Variants in GALNT18 observed in about 807,000 individuals in gnomAD.
GALNT18 encodes the protein GalNAc-transferase 18.
Under a neutral mutation model 69.5 loss-of-function variants are expected in GALNT18, and 44 were observed. The observed-to-expected ratio is 0.63, with a 90% confidence interval of 0.50 to 0.81. GALNT18 has a LOEUF of 0.81. Among genes scored for constraint, GALNT18 ranks in the 40% least tolerant of loss-of-function variants. The pLI, the probability that GALNT18 is intolerant of heterozygous loss-of-function variation, is 0.00. For missense variants in GALNT18, 715 were observed against 810.0 expected (o/e 0.88, Z 1.42); for synonymous variants, 364 against 318.2 (o/e 1.14, Z -1.53).
At chr11:11,288,805 A>C (rs1287654687) in intron 10 of GALNT18, among the ~76,000 whole-genome samples, 4 of 152,184 alleles carry the variant, frequency 2.6e-5, no homozygotes, top group Non-Finnish European at 5.9e-5. Context: ...TGTTAAGCAG[A>C]AAATCAGGGT....
rs1857951618 is a variant in GALNT18, at chr11:11,542,509, T to C, written c.235+78850A>G. On this transcript the variant is annotated intron_variant, in intron 1 of 10. Transcript: ENST00000227756. This position sits in a 1 kb window ranked among gnomAD's most constrained non-coding sequence, Gnocchi z 4.3. ...GAAATCATCACGTGCTTCTCACTTT[T>C]CACATGCAAAGAATAATTCCTACCA... 6.6e-6 allele frequency among the ~76,000 whole-genome samples: 1 copy of C among 152,232 alleles called. No homozygotes were observed.
At chr11:11,539,114 G>A (rs1246357962) in intron 1 of GALNT18, among the ~76,000 whole-genome samples, 2 of 152,230 alleles carry the variant, frequency 1.3e-5, no homozygotes, top group Admixed American at 1.3e-4. Flanking sequence ...TGGTGCACCT[G>A]CTTTGTGCAG....
intron 1 of GALNT18, among the ~76,000 whole-genome samples, chr11:11,597,117 C>A (rs1216086875): frequency 6.6e-6 from 1 of 152,066 alleles, no homozygotes; most frequent in East Asian, 1.9e-4. Flanking sequence ...GATGTTAAAC[C>A]AACCAGGAAT....
chr11:11,581,540 G>A (rs1859085537), intron 1 of GALNT18, among the ~76,000 whole-genome samples: 1 of 149,208 alleles, frequency 6.7e-6, no homozygotes, highest in Non-Finnish European at 1.5e-5. Context: ...CTCCTCCCCT[G>A]CCCCCTCCCC....
In GALNT18 at chr11:11,621,813, C is replaced by T. The variant is rs1860201289; in HGVS notation, c.-220G>A. The stretch of plus-strand genomic sequence containing the variant: ...CCCGGAGAGACCTTGACAAAGGAAA[C>T]CAGGTGGATTTTTTTCCAAATTAAA... On this transcript the variant is annotated 5_prime_UTR_variant, in exon 1 of 11. Transcript: ENST00000227756. This position sits in a 1 kb window ranked among gnomAD's most constrained non-coding sequence, Gnocchi z 9.3. 1.7e-6 allele frequency: 1 copy of T among 575,272 alleles called. No homozygotes were observed. Among genetic ancestry groups the T allele is most frequent in the African/African-American group, 1.9e-5 (1 of 53,170 alleles). The allele number at this position is 575,272 out of a possible 1,614,324, so 35.6% of individuals were successfully genotyped here.
chr11:11,502,271 G>A (rs1856989095), intron 1 of GALNT18, among the ~76,000 whole-genome samples: 1 of 152,188 alleles, frequency 6.6e-6, no homozygotes, highest in African/African-American at 2.4e-5. Flanking sequence ...AACAGTACCT[G>A]CCTCTCCTTC....
At chr11:11,476,927 A>T (rs1307696174) in intron 1 of GALNT18, among the ~76,000 whole-genome samples, 1 of 152,232 alleles carries the variant, frequency 6.6e-6, no homozygotes, top group Non-Finnish European at 1.5e-5. Context: ...AGATTGAGGG[A>T]CAAAGGACTG....
intron 6 of GALNT18, among the ~76,000 whole-genome samples, chr11:11,355,919 T>C (rs1032471782): frequency 4.6e-5 from 7 of 152,250 alleles, no homozygotes; most frequent in Non-Finnish European, 8.8e-5. Flanking sequence ...CTGGGCCATT[T>C]ACACCAGGGG....
At chr11:11,468,730 G>A (rs980986144) in intron 1 of GALNT18, among the ~76,000 whole-genome samples, 18 of 152,236 alleles carry the variant, frequency 1.2e-4, no homozygotes, top group South Asian at 6.2e-4. Context: ...CAAACAGGAT[G>A]CTCGCTAATG....
chr11:11,512,505 AG>A (rs1564986991), intron 1 of GALNT18, among the ~76,000 whole-genome samples: 1 of 152,236 alleles, frequency 6.6e-6, no homozygotes, highest in Non-Finnish European at 1.5e-5. Context: ...AAGATGTGAA[AG>A]GGGGTCTGAC....
rs973899241 is a variant in GALNT18 at position 11,480,279 on chromosome 11, G to A, written c.236-31343C>T. On this transcript the variant is annotated intron_variant, in intron 1 of 10. Transcript: ENST00000227756. This position sits in a 1 kb window ranked among gnomAD's most constrained non-coding sequence, Gnocchi z 4.6. ...CTCTCTCTCTCTTTCTCTCTCTCTC[G>A]CCCCCCTCGCCCCAACCTCAGTCAT... is the stretch of plus-strand genomic sequence containing the variant. Among the ~76,000 whole-genome samples the A allele has an allele frequency of 4.1e-5, 6 of 145,928 alleles. No homozygotes were observed. The highest frequency in any genetic ancestry group is 7.5e-5 in the Non-Finnish European group (5 of 66,336).
At chr11:11,343,637 T>C (rs1009233231) in intron 6 of GALNT18, among the ~76,000 whole-genome samples, 1 of 152,214 alleles carries the variant, frequency 6.6e-6, no homozygotes, top group African/African-American at 2.4e-5. Context: ...GCTCAGGTTC[T>C]CTATGAAAGC....
intron 3 of GALNT18, among the ~76,000 whole-genome samples, chr11:11,429,910 C>T (rs1291922620): frequency 6.6e-6 from 1 of 152,166 alleles, no homozygotes; most frequent in Non-Finnish European, 1.5e-5. Context: ...GAGGGCGAGG[C>T]AGGAGGATTG....
chr11:11,278,652 A>C (rs1409884774), intron 10 of GALNT18, among the ~76,000 whole-genome samples: 3 of 151,564 alleles, frequency 2.0e-5, no homozygotes, highest in Non-Finnish European at 2.9e-5. Context: ...GTTAAAATTA[A>C]AAAAAAAATT....
intron 3 of GALNT18, among the ~76,000 whole-genome samples, chr11:11,391,445 C>T (rs1348183475): frequency 3.3e-5 from 5 of 152,246 alleles, no homozygotes; most frequent in African/African-American, 1.2e-4. Context: ...ATTCCATGCT[C>T]TTAATACATT....
intron 2 of GALNT18, among the ~76,000 whole-genome samples, chr11:11,438,993 T>C (rs1439877481): frequency 6.6e-6 from 1 of 152,142 alleles, no homozygotes. Flanking sequence ...GTGACTGATT[T>C]CCTGAGCCCC....
At chr11:11,283,739 C>T (rs1439452270) in intron 10 of GALNT18, among the ~76,000 whole-genome samples, 1 of 152,124 alleles carries the variant, frequency 6.6e-6, no homozygotes, top group Non-Finnish European at 1.5e-5. Context: ...ACTACATAAT[C>T]TGGAAACACA....
In GALNT18 at chr11:11,470,120, G is replaced by A. The variant is rs1012182774; in HGVS notation, c.236-21184C>T. On this transcript the variant is annotated intron_variant, in intron 1 of 10. Transcript: ENST00000227756. This position sits in a 1 kb window ranked among gnomAD's most constrained non-coding sequence, Gnocchi z 4.8. ...ACACTTGGATGAGGATGGTTTTGAAGCTGTGACCAAGATGTTTCCCTGCCT... is the reference window on the plus strand; with the variant it reads ...ACACTTGGATGAGGATGGTTTTGAAACTGTGACCAAGATGTTTCCCTGCCT... Among the ~76,000 whole-genome samples the A allele has an allele frequency of 1.3e-5, 2 of 152,206 alleles. No individual in the cohort carries two copies. The highest frequency in any genetic ancestry group is 4.8e-5 in the African/African-American group (2 of 41,450).
rs544245830 is a variant in GALNT18 at position 11,439,894 on chromosome 11, G to T, written c.429-7107C>A. On this transcript the variant is annotated intron_variant, in intron 2 of 10. Coordinates refer to ENST00000227756, the MANE Select transcript of GALNT18 (RefSeq NM_198516.3). This position sits in a 1 kb window ranked among gnomAD's most constrained non-coding sequence, Gnocchi z 4.4. ...AGGGGTGAAGAACAGGATGATGGAG[G>T]CAGGGTGGGGATACTAAATATATCC... is the stretch of plus-strand genomic sequence containing the variant. 6.6e-6 allele frequency among the ~76,000 whole-genome samples: 1 copy of T among 152,344 alleles called. No homozygotes were observed.
Sources: gnomAD v4.1 joint callset for allele counts (sites outside exome capture counted in the v4.1 genomes callset) on GRCh38, gnomAD v4.1.1 for gene constraint, Gnocchi (gnomAD v3.1) non-coding constraint, MANE v1.5 for transcripts, NCBI Gene and HGNC (gene_info 2026-07-23, HGNC 2026-07-21) for gene names.